PRKCA: variants seen among roughly 807,000 people sequenced by gnomAD.
The protein encoded by PRKCA is protein kinase C alpha type.
PRKCA carries 27 observed loss-of-function variants against 87.0 expected under a neutral mutation model. The ratio of observed to expected loss-of-function variants is 0.31; its 90% CI spans 0.23 to 0.43. The LOEUF (loss-of-function observed/expected upper bound fraction) is 0.43. Ranked by LOEUF, PRKCA falls within the 20% of genes least tolerant of loss-of-function variation. The pLI is 1.00. For missense variants in PRKCA, 518 were observed against 852.3 expected (o/e 0.61, Z 4.88); for synonymous variants, 329 against 311.1 (o/e 1.06, Z -0.61).
At chr17:66,346,295 C>T (rs1907359577) in intron 2 of PRKCA, among the ~76,000 whole-genome samples, 1 of 151,798 alleles carries the variant, frequency 6.6e-6, no homozygotes, top group Non-Finnish European at 1.5e-5. Context: ...GACAGGGTTT[C>T]ACCGTGTTAG....
At chr17:66,515,942 T>C (rs1966954105) in intron 3 of PRKCA, among the ~76,000 whole-genome samples, 5 of 152,226 alleles carry the variant, frequency 3.3e-5, no homozygotes, top group Admixed American at 2.6e-4. Flanking sequence ...TTGTACTATG[T>C]CTAAGTTGTT....
chr17:66,335,028 A>C (rs1906570393), intron 2 of PRKCA, among the ~76,000 whole-genome samples: 1 of 152,238 alleles, frequency 6.6e-6, no homozygotes, highest in Non-Finnish European at 1.5e-5. Flanking sequence ...AGTTTCACTT[A>C]CATGAGTTAT....
At chr17:66,475,287 A>G (rs917136030) in intron 2 of PRKCA, among the ~76,000 whole-genome samples, 3 of 152,126 alleles carry the variant, frequency 2.0e-5, no homozygotes, top group African/African-American at 7.2e-5. Flanking sequence ...CATCCTAGAT[A>G]ATATACCTCT....
chr17:66,333,649 G>A (rs937760199), intron 2 of PRKCA, among the ~76,000 whole-genome samples: 1 of 152,144 alleles, frequency 6.6e-6, no homozygotes, highest in Admixed American at 6.5e-5. Flanking sequence ...AAATGGGAGG[G>A]AGTGAGACTG....
chr17:66,623,983 G>A (rs1199955490), intron 3 of PRKCA, among the ~76,000 whole-genome samples: 1 of 152,160 alleles, frequency 6.6e-6, no homozygotes, highest in Non-Finnish European at 1.5e-5. Context: ...CAGGGAGTAG[G>A]GGGCTGTACC....
chr17:66,567,856 A>G (rs906436899), intron 3 of PRKCA, among the ~76,000 whole-genome samples: 2 of 152,242 alleles, frequency 1.3e-5, no homozygotes, highest in African/African-American at 4.8e-5. Flanking sequence ...CAAAAATCTG[A>G]TTCATGCCAT....
rs368602635 is a variant in PRKCA, at chr17:66,566,479, G to GTTTTTTTTTT, written c.288+70196_288+70197insTTTTTTTTTT. 1.6e-3 allele frequency among the ~76,000 whole-genome samples: 119 copies of GTTTTTTTTTT among 74,560 alleles called. 4 individuals carry two copies. The highest frequency in any genetic ancestry group is 2.7e-3 in the African/African-American group (57 of 21,348). 48.9% of individuals were successfully genotyped at this position (74,560 alleles called of 152,430 possible). ...TTGTGAAGAACTGTTGTTGTTTTTT[G>GTTTTTTTTTT]GTTTTTTTTTTTTTTTTTTTTTTGC... On this transcript the variant is annotated intron_variant, in intron 3 of 16. Transcript: ENST00000413366.
At chr17:66,507,380 T>C (rs1917025203) in intron 3 of PRKCA, among the ~76,000 whole-genome samples, 1 of 152,180 alleles carries the variant, frequency 6.6e-6, no homozygotes, top group Admixed American at 6.5e-5. Flanking sequence ...CCTGTTCTTT[T>C]TCCACAGTAC....
intron 16 of PRKCA, 33 bp downstream of exon 16, chr17:66,789,012 C>G (rs754231559): frequency 6.2e-7 from 1 of 1,612,890 alleles, no homozygotes; most frequent in Non-Finnish European, 8.5e-7. Context: ...TTTTCGGAAC[C>G]CCATGTCCCC....
intron 3 of PRKCA, among the ~76,000 whole-genome samples, chr17:66,628,943 C>T (rs1970932526): frequency 1.3e-5 from 2 of 152,328 alleles, no homozygotes; most frequent in Admixed American, 1.3e-4. Context: ...GCAGGAGAAT[C>T]ACTTAAACCT....
intron 3 of PRKCA, among the ~76,000 whole-genome samples, chr17:66,539,594 T>G (rs1041710981): frequency 6.6e-6 from 1 of 151,990 alleles, no homozygotes; most frequent in Non-Finnish European, 1.5e-5. Context: ...TTAGTAGAGA[T>G]GGGGTTTCAC....
intron 2 of PRKCA, among the ~76,000 whole-genome samples, chr17:66,418,336 T>C (rs1330923670): frequency 6.6e-6 from 1 of 152,176 alleles, no homozygotes; most frequent in Non-Finnish European, 1.5e-5. Flanking sequence ...GACTACTGAA[T>C]CCAGAAGTAC....
intron 2 of PRKCA, among the ~76,000 whole-genome samples, chr17:66,385,798 G>A (rs1910027296): frequency 6.6e-6 from 1 of 152,158 alleles, no homozygotes; most frequent in Admixed American, 6.5e-5. Flanking sequence ...GCATCTTGCT[G>A]TGTTGCCTAG....
intron 2 of PRKCA, among the ~76,000 whole-genome samples, chr17:66,407,393 A>G (rs1181943711): frequency 6.6e-6 from 1 of 152,148 alleles, no homozygotes; most frequent in Non-Finnish European, 1.5e-5. Context: ...TGTGCCTGCA[A>G]GAAAGCTTGC....
intron 3 of PRKCA, among the ~76,000 whole-genome samples, chr17:66,506,010 T>G (rs945533432): frequency 2.0e-5 from 3 of 152,132 alleles, no homozygotes; most frequent in Non-Finnish European, 4.4e-5. Flanking sequence ...ATTATTTACT[T>G]GGAGGCCAGG....
intron 2 of PRKCA, among the ~76,000 whole-genome samples, chr17:66,347,566 GT>G (rs1907463884): frequency 6.6e-6 from 1 of 152,120 alleles, no homozygotes; most frequent in African/African-American, 2.4e-5. Context: ...GCATTCTTTA[GT>G]TTGGAAAACA....
chr17:66,718,532 G>A (rs1012775592), intron 8 of PRKCA, among the ~76,000 whole-genome samples: 2 of 152,190 alleles, frequency 1.3e-5, no homozygotes, highest in Admixed American at 1.3e-4. Context: ...TGACTAGGCT[G>A]TTCTCAAACT....
At chr17:66,654,950 G>A (rs573884570) in intron 5 of PRKCA, among the ~76,000 whole-genome samples, 10 of 152,316 alleles carry the variant, frequency 6.6e-5, no homozygotes, top group East Asian at 3.9e-4. Flanking sequence ...CTTGGCATCC[G>A]TCTGGCTTTT....
intron 3 of PRKCA, among the ~76,000 whole-genome samples, chr17:66,587,325 A>G (rs1359803882): frequency 1.3e-5 from 2 of 152,158 alleles, no homozygotes; most frequent in Non-Finnish European, 2.9e-5. Flanking sequence ...GCATGTGCAA[A>G]TCTGTCTAGC....
Sources: gnomAD v4.1 joint callset for allele counts (sites outside exome capture counted in the v4.1 genomes callset) on GRCh38, gnomAD v4.1.1 for gene constraint, MANE v1.5 for transcripts, NCBI Gene and HGNC (gene_info 2026-07-23, HGNC 2026-07-21) for gene names.